The following PCDHGB7 variants were observed in gnomAD, a reference collection of about 807,000 sequenced individuals.
The protein encoded by PCDHGB7 is protocadherin gamma-B7.
In PCDHGB7, 37 loss-of-function variants were observed where a neutral mutation model predicts 61.4. That is an observed-to-expected ratio of 0.60 (90% CI 0.46 to 0.79). PCDHGB7 has a LOEUF of 0.79. PCDHGB7 is among the 30% of genes least tolerant of loss of function. The probability of loss-of-function intolerance (pLI) is 0.00; values close to 1 mark genes in which losing one functional copy is unlikely to be tolerated. For missense variants in PCDHGB7, 1,166 were observed against 1,202.5 expected (o/e 0.97, Z 0.45); for synonymous variants, 464 against 503.5 (o/e 0.92, Z 1.05).
In PCDHGB7 at chr5:141,419,005, C is replaced by G; in HGVS notation, c.1146C>G (p.Val382=). ...RDQDSGENGE[V]RCSLSRGVPF... Reference sequence around the variant, plus strand: ...AAGACTCAGGGGAAAATGGGGAAGTCAGGTGTAGCTTAAGTAGAGGTGTTC... The same window carrying G: ...AAGACTCAGGGGAAAATGGGGAAGTGAGGTGTAGCTTAAGTAGAGGTGTTC... The change falls in exon 1 of 4, where the codon GTC becomes GTG. Residue 382 remains valine (V), a synonymous_variant. Transcript: ENST00000398594. The G allele has an allele frequency of 6.2e-7, 1 of 1,613,944 alleles. No homozygotes were observed. The highest frequency in any genetic ancestry group is 8.5e-7 in the Non-Finnish European group (1 of 1,179,858).
At position 141,512,765 on chromosome 5, in the gene PCDHGB7, G is replaced by C. The variant is rs988707269; in HGVS notation, c.*1592G>C. 1 of 152,668 alleles carries C rather than the reference G, an allele frequency of 6.6e-6. No individual in the cohort carries two copies. The highest frequency in any genetic ancestry group is 1.5e-5 in the Non-Finnish European group (1 of 68,460). The allele number at this position is 152,668 out of a possible 1,614,324, so 9.5% of individuals were successfully genotyped here. On this transcript the variant is annotated 3_prime_UTR_variant, in exon 4 of 4. Transcript: ENST00000398594. ...CCGCGCAGCCGTCTGTCCTTGATCT[G>C]CCCGCGGCGGCCCGTGTTGTGTTTT...
At chr5:141,449,273 C>T (rs1168190907) in intron 1 of PCDHGB7, among the ~76,000 whole-genome samples, 1 of 151,982 alleles carries the variant, frequency 6.6e-6, no homozygotes, top group Non-Finnish European at 1.5e-5. Flanking sequence ...ACTGTATCTC[C>T]TTCACCCGGA....
Position 141,418,441 on chromosome 5 carries a change from A to T in PCDHGB7, c.582A>T (p.Leu194Phe). 1.2e-6 allele frequency: 2 copies of T among 1,614,000 alleles called. No homozygotes were observed. Among genetic ancestry groups the T allele is most frequent in the East Asian group, 4.5e-5 (2 of 44,874 alleles). The change falls in exon 1 of 4, where the codon TTA becomes TTT. Residue 194 changes from leucine to phenylalanine, a missense_variant. Transcript: ENST00000398594. ...CTGATGGTGGCAAATATCCAGAATT[A>T]GTATTGCAGAAGACTCTGGACCGAG... is the stretch of plus-strand genomic sequence containing the variant. Reference protein sequence around the residue: ...DNPDGGKYPELVLQKTLDRET... With the variant: ...DNPDGGKYPEFVLQKTLDRET...
At position 141,477,053 on chromosome 5, in the gene PCDHGB7, G is replaced by C; in HGVS notation, c.2416-17754G>C. ...GACAATCAAGGGTCGGCTGGACTTC[G>C]AGGACACCAAACTCCATGAGATTTA... On this transcript the variant is annotated intron_variant, in intron 1 of 3. Coordinates refer to ENST00000398594, the MANE Select transcript of PCDHGB7 (RefSeq NM_018927.4). This position sits in a 1 kb window ranked among gnomAD's most constrained non-coding sequence, Gnocchi z 4.9. The C allele has an allele frequency of 6.2e-7, 1 of 1,614,230 alleles. No homozygotes were observed. Among genetic ancestry groups the C allele is most frequent in the Non-Finnish European group, 8.5e-7 (1 of 1,180,032 alleles).
intron 1 of PCDHGB7, chr5:141,430,898 G>A: frequency 6.2e-7 from 1 of 1,605,834 alleles, no homozygotes; most frequent in East Asian, 2.2e-5. Flanking sequence ...TAGGGTGGGC[G>A]ACATCTCCAG....
At position 141,489,068 on chromosome 5, in the gene PCDHGB7, G is replaced by GGCCCC; in HGVS notation, c.2416-5739_2416-5738insGCCCC. On this transcript the variant is annotated intron_variant, in intron 1 of 3. Coordinates refer to ENST00000398594, the MANE Select transcript of PCDHGB7 (RefSeq NM_018927.4). This position sits in a 1 kb window ranked among gnomAD's most constrained non-coding sequence, Gnocchi z 4.5. ...CTCAAATTCAGCTCCCCTCCCCCCT[G>GGCCCC]CCCACCCCCGCCACTCGGTGACTAA... 3.4e-6 allele frequency: 1 copy of GGCCCC among 291,558 alleles called. No individual in the cohort carries two copies. 18.1% of individuals were successfully genotyped at this position (291,558 alleles called of 1,614,324 possible). A position where few individuals can be genotyped will look rare whatever the true frequency, so the allele number is the denominator to read the frequency against.
intron 3 of PCDHGB7, among the ~76,000 whole-genome samples, chr5:141,506,012 T>C (rs2099850012): frequency 6.6e-6 from 1 of 152,208 alleles, no homozygotes; most frequent in Non-Finnish European, 1.5e-5. Context: ...CCTCTTTTGC[T>C]GCCCCTAACT....
intron 2 of PCDHGB7, among the ~76,000 whole-genome samples, chr5:141,500,948 A>G (rs1055841985): frequency 1.8e-4 from 28 of 151,592 alleles, no homozygotes; most frequent in Non-Finnish European, 4.4e-5. Context: ...GGCTCACTGC[A>G]AGCTCCACCT....
chr5:141,419,301 T>G lies in PCDHGB7; in HGVS notation c.1442T>G (p.Phe481Cys). ...CAAGTCAGTGCCTCTGACCCAGACT[T>G]CGGGCTCAACGGCCGTGTCTCCTAC... is the stretch of plus-strand genomic sequence containing the variant. ...IAQVSASDPD[F>C]GLNGRVSYSL... Residue 481 changes from phenylalanine (F) to cysteine (C), a missense_variant, in exon 1 of 4, where the codon TTC (phenylalanine) becomes TGC (cysteine). Coordinates refer to ENST00000398594, the MANE Select transcript of PCDHGB7 (RefSeq NM_018927.4). 6 of 1,613,998 alleles carry G rather than the reference T, an allele frequency of 3.7e-6. No individual in the cohort carries two copies. Among genetic ancestry groups the G allele is most frequent in the Non-Finnish European group, 5.1e-6 (6 of 1,179,894 alleles).
At position 141,477,493 on chromosome 5, in the gene PCDHGB7, A is replaced by G. The variant is rs2154575835; in HGVS notation, c.2416-17314A>G. ...ATGACAACCCTCCACAATCTTCTCA[A>G]TCTTCCTACGACGTTTACATTGAAG... On this transcript the variant is annotated intron_variant, in intron 1 of 3. Transcript: ENST00000398594. This position sits in a 1 kb window ranked among gnomAD's most constrained non-coding sequence, Gnocchi z 4.9. 6.2e-7 allele frequency: 1 copy of G among 1,613,976 alleles called. No individual in the cohort carries two copies. The highest frequency in any genetic ancestry group is 1.6e-4 in the Middle Eastern group (1 of 6,062).
chr5:141,421,634 A>G (rs771759412), intron 1 of PCDHGB7: 12 of 1,613,714 alleles, frequency 7.4e-6, no homozygotes, highest in South Asian at 1.1e-5. Context: ...AGCTTCCAGG[A>G]GGACGAAGTG....
intron 1 of PCDHGB7, among the ~76,000 whole-genome samples, chr5:141,425,585 A>G (rs1270579511): frequency 6.6e-6 from 1 of 152,252 alleles, no homozygotes; most frequent in African/African-American, 2.4e-5. Flanking sequence ...GGCTAACTTT[A>G]TTCTGAATAT....
At chr5:141,421,522 A>G in intron 1 of PCDHGB7, 1 of 1,614,068 alleles carries the variant, frequency 6.2e-7, no homozygotes, top group Non-Finnish European at 8.5e-7. Context: ...GCTCTGTGAG[A>G]CGGTGTCCTC....
chr5:141,433,076 C>G, intron 1 of PCDHGB7: 1 of 1,614,188 alleles, frequency 6.2e-7, no homozygotes, highest in Non-Finnish European at 8.5e-7. Context: ...CTTCCCCCAG[C>G]CCAACTATGC....
At chr5:141,470,416 A>AT (rs1300623208) in intron 1 of PCDHGB7, among the ~76,000 whole-genome samples, 3 of 152,134 alleles carry the variant, frequency 2.0e-5, no homozygotes, top group African/African-American at 7.2e-5. Flanking sequence ...GATTTTATGT[A>AT]TTTTTTCCTT....
chr5:141,424,061 CTGATT>C, intron 1 of PCDHGB7: 1 of 1,003,194 alleles, frequency 1.0e-6, no homozygotes, highest in Non-Finnish European at 1.2e-6. Flanking sequence ...TGTGCCTTCA[CTGATT>C]TGTAGTTATA....
chr5:141,423,516 C>T (rs2096749721), intron 1 of PCDHGB7: 1 of 1,613,732 alleles, frequency 6.2e-7, no homozygotes, highest in Non-Finnish European at 8.5e-7. Flanking sequence ...TCATTGCGGA[C>T]TCGCAGAAGA....
In PCDHGB7 at chr5:141,493,755, A is replaced by C. The variant is rs1364524112; in HGVS notation, c.2416-1052A>C. Among the ~76,000 whole-genome samples, 1 of 152,148 alleles carries C rather than the reference A, an allele frequency of 6.6e-6. No homozygotes were observed. The highest frequency in any genetic ancestry group is 2.4e-5 in the African/African-American group (1 of 41,440). On this transcript the variant is annotated intron_variant, in intron 1 of 3. Coordinates refer to ENST00000398594, the MANE Select transcript of PCDHGB7 (RefSeq NM_018927.4). The surrounding 1 kb of genome is among the most constrained non-coding windows in gnomAD (Gnocchi z 4.3). ...ATATCACTGCCACCTGTGAGCCTTG[A>C]GTGAGCCACTGGCAGTTCCGGAGCT...
At chr5:141,455,292 G>A (rs2098818902) in intron 1 of PCDHGB7, among the ~76,000 whole-genome samples, 1 of 152,068 alleles carries the variant, frequency 6.6e-6, no homozygotes, top group East Asian at 1.9e-4. Context: ...ACTTTACATA[G>A]TTTCATCTTG....
Sources: allele counts gnomAD v4.1 joint callset (sites outside exome capture counted in the v4.1 genomes callset), GRCh38; gene constraint gnomAD v4.1.1; non-coding constraint Gnocchi (gnomAD v3.1); transcripts MANE v1.5; gene names NCBI Gene and HGNC (gene_info 2026-07-23, HGNC 2026-07-21).